Variants in DOCK3 observed in about 807,000 individuals in gnomAD.
The protein encoded by DOCK3 is dedicator of cytokinesis 3.
Under a neutral mutation model 265.6 loss-of-function variants are expected in DOCK3, and 60 were observed. The ratio of observed to expected loss-of-function variants is 0.23; its 90% CI spans 0.18 to 0.28. The LOEUF is 0.28. DOCK3 is among the 10% of genes least tolerant of loss of function. DOCK3 has a pLI of 1.00. For synonymous variants in DOCK3, 881 were observed against 938.0 expected, an observed-to-expected ratio of 0.94 and a Z score of 1.11; for missense variants, 1,981 against 2,594.3, an observed-to-expected ratio of 0.76 and a Z score of 5.14.
intron 3 of DOCK3, among the ~76,000 whole-genome samples, chr3:50,872,418 C>A (rs922081787): frequency 3.3e-5 from 5 of 152,206 alleles, no homozygotes; most frequent in Non-Finnish European, 7.3e-5. Flanking sequence ...TTCGAGTCAC[C>A]TGAAGCTGGA....
intron 5 of DOCK3, among the ~76,000 whole-genome samples, chr3:51,022,584 C>T (rs2079639928): frequency 6.6e-6 from 1 of 152,102 alleles, no homozygotes; most frequent in South Asian, 2.1e-4. Flanking sequence ...TTAATTTATG[C>T]ATATAAAATT....
intron 9 of DOCK3, among the ~76,000 whole-genome samples, chr3:51,103,069 T>C (rs2083146621): frequency 1.3e-5 from 2 of 152,132 alleles, no homozygotes; most frequent in Admixed American, 1.3e-4. Context: ...CAAATCAAAA[T>C]TGTAAAACTC....
intron 27 of DOCK3, among the ~76,000 whole-genome samples, chr3:51,293,071 A>G (rs535395217): frequency 5.3e-5 from 8 of 152,206 alleles, no homozygotes; most frequent in South Asian, 2.1e-4. Flanking sequence ...TACAGATTCA[A>G]TGCAATCTCC....
chr3:50,731,007 C>T (rs1483416304), intron 1 of DOCK3, among the ~76,000 whole-genome samples: 2 of 151,388 alleles, frequency 1.3e-5, no homozygotes, highest in African/African-American at 2.4e-5. Flanking sequence ...TGGTGGGCGC[C>T]TATAGTCCCA....
chr3:50,893,627 A>G (rs897472305), intron 4 of DOCK3, among the ~76,000 whole-genome samples: 1 of 152,050 alleles, frequency 6.6e-6, no homozygotes, highest in Non-Finnish European at 1.5e-5. Context: ...GGACACCATC[A>G]AGCAAACCAA....
intron 2 of DOCK3, among the ~76,000 whole-genome samples, chr3:50,841,400 G>A (rs2045816633): frequency 6.6e-6 from 1 of 152,138 alleles, no homozygotes; most frequent in African/African-American, 2.4e-5. Context: ...AGGAATTTTT[G>A]TGCTGTTGAA....
chr3:50,908,195 GGC>G (rs2049645484), intron 4 of DOCK3, among the ~76,000 whole-genome samples: 1 of 133,784 alleles, frequency 7.5e-6, no homozygotes. Flanking sequence ...TTTTTTGAAG[GGC>G]TTTTTTTTTT....
At chr3:50,923,964 T>C (rs1217643290) in intron 4 of DOCK3, among the ~76,000 whole-genome samples, 1 of 152,244 alleles carries the variant, frequency 6.6e-6, no homozygotes, top group Non-Finnish European at 1.5e-5. Flanking sequence ...TGAAGACTTG[T>C]AAAAATCATG....
intron 2 of DOCK3, among the ~76,000 whole-genome samples, chr3:50,823,789 C>T (rs373433617): frequency 1.2e-4 from 19 of 152,102 alleles, no homozygotes; most frequent in East Asian, 5.8e-4. Context: ...CTGGCCGGGC[C>T]GGGGGGCTGA....
intron 5 of DOCK3, among the ~76,000 whole-genome samples, chr3:50,949,063 T>G (rs1575595778): frequency 1.3e-5 from 2 of 152,294 alleles, no homozygotes; most frequent in Middle Eastern, 6.8e-3. Flanking sequence ...ACCCTGTTCC[T>G]TACCTTACAC....
chr3:50,994,470 G>A (rs2078212658), intron 5 of DOCK3, among the ~76,000 whole-genome samples: 1 of 152,174 alleles, frequency 6.6e-6, no homozygotes, highest in African/African-American at 2.4e-5. Context: ...AAACTGGTGT[G>A]ATGTCAAAGT....
intron 4 of DOCK3, among the ~76,000 whole-genome samples, chr3:50,895,473 C>T (rs1446246041): frequency 6.6e-6 from 1 of 151,666 alleles, no homozygotes; most frequent in East Asian, 1.9e-4. Context: ...ACTGTGTACC[C>T]ATGTGCATGC....
chr3:50,764,814 G>C (rs1410426255), intron 1 of DOCK3, among the ~76,000 whole-genome samples: 1 of 152,024 alleles, frequency 6.6e-6, no homozygotes, highest in African/African-American at 2.4e-5. Flanking sequence ...AAGAGTTAGT[G>C]TATCTTCTTC....
At chr3:50,913,948 G>T (rs1482584550) in intron 4 of DOCK3, among the ~76,000 whole-genome samples, 1 of 151,972 alleles carries the variant, frequency 6.6e-6, no homozygotes, top group Non-Finnish European at 1.5e-5. Flanking sequence ...TGCTTTTTTG[G>T]AGTGGATACT....
At chr3:51,278,867 C>T (rs1415321205) in intron 26 of DOCK3, among the ~76,000 whole-genome samples, 1 of 152,128 alleles carries the variant, frequency 6.6e-6, no homozygotes, top group Non-Finnish European at 1.5e-5. Context: ...CCATCTGACC[C>T]TCATGACGAA....
At chr3:51,123,388 C>G (rs1240463407) in intron 9 of DOCK3, among the ~76,000 whole-genome samples, 1 of 152,184 alleles carries the variant, frequency 6.6e-6, no homozygotes, top group South Asian at 2.1e-4. Context: ...GCTTTGCAGA[C>G]AAGGATGCTG....
At chr3:50,854,718 T>C (rs1402056688) in intron 3 of DOCK3, among the ~76,000 whole-genome samples, 1 of 150,610 alleles carries the variant, frequency 6.6e-6, no homozygotes. Flanking sequence ...TGTGAGTCAC[T>C]GTGCTGGGCT....
At chr3:51,079,490 A>C in intron 7 of DOCK3, among the ~76,000 whole-genome samples, 1 of 151,736 alleles carries the variant, frequency 6.6e-6, no homozygotes, top group East Asian at 1.9e-4. Flanking sequence ...ATGCCACCAC[A>C]CTCAGCTAAT....
intron 3 of DOCK3, among the ~76,000 whole-genome samples, chr3:50,874,480 G>T (rs144683988): frequency 6.6e-6 from 1 of 151,428 alleles, no homozygotes; most frequent in African/African-American, 2.4e-5. Flanking sequence ...CTCCAGCCTG[G>T]TGATGAAATG....
Sources: gnomAD v4.1 joint callset for allele counts (sites outside exome capture counted in the v4.1 genomes callset) on GRCh38, gnomAD v4.1.1 for gene constraint, MANE v1.5 for transcripts, NCBI Gene and HGNC (gene_info 2026-07-23, HGNC 2026-07-21) for gene names.